LRCH3: variants seen among roughly 807,000 people sequenced by gnomAD.
LRCH3 encodes DISP complex protein LRCH3.
LRCH3 carries 68 observed loss-of-function variants against 104.5 expected under a neutral mutation model. The ratio of observed to expected loss-of-function variants is 0.65; its 90% confidence interval spans 0.54 to 0.80. The LOEUF (loss-of-function observed/expected upper bound fraction) is 0.80, where lower values mean the gene tolerates loss of function less well. LRCH3 is among the 30% of genes least tolerant of loss of function. LRCH3 has a pLI of 0.00. For synonymous variants in LRCH3, 344 were observed against 361.3 expected (o/e 0.95, Z 0.54); for missense variants, 951 against 953.9 (o/e 1.00, Z 0.04).
intron 15 of LRCH3, among the ~76,000 whole-genome samples, chr3:197,865,133 G>A (rs144154383): frequency 2.6e-4 from 40 of 152,164 alleles, no homozygotes; most frequent in African/African-American, 9.6e-4. Context: ...CTCTACAGGA[G>A]CACACCACAA....
intron 12 of LRCH3, chr3:197,850,944 T>A (rs1459903070): frequency 7.5e-6 from 6 of 798,282 alleles, no homozygotes; most frequent in Non-Finnish European, 1.4e-5. Flanking sequence ...GTCAAGTGAA[T>A]AGCGAACCAT....
intron 17 of LRCH3, among the ~76,000 whole-genome samples, chr3:197,867,203 G>C (rs1741589335): frequency 6.6e-6 from 1 of 152,102 alleles, no homozygotes; most frequent in Admixed American, 6.5e-5. Flanking sequence ...CTTGAACTTG[G>C]GAGGCAGAAG....
intron 9 of LRCH3, among the ~76,000 whole-genome samples, 183 bp downstream of exon 9, chr3:197,836,005 G>A (rs1202085480): frequency 6.6e-6 from 1 of 152,152 alleles, no homozygotes. Flanking sequence ...GCAGCCTCAA[G>A]TAGGCTTTAG....
chr3:197,842,669 T>C (rs1164352560), intron 10 of LRCH3, among the ~76,000 whole-genome samples: 1 of 152,116 alleles, frequency 6.6e-6, no homozygotes, highest in African/African-American at 2.4e-5. Flanking sequence ...TACTGGGAGA[T>C]CATAAACATA....
intron 17 of LRCH3, among the ~76,000 whole-genome samples, chr3:197,866,497 G>T (rs1451439975): frequency 6.6e-6 from 1 of 152,112 alleles, no homozygotes; most frequent in African/African-American, 2.4e-5. Context: ...CTTTGTCTTG[G>T]TAATGAACTC....
rs1215233004 is a variant in LRCH3 at position 197,815,041 on chromosome 3, C to T, written c.396C>T (p.Phe132=). 2 of 1,488,420 alleles carry T rather than the reference C, an allele frequency of 1.3e-6. No homozygotes were observed. The highest frequency in any genetic ancestry group is 4.2e-5 in the Admixed American group (2 of 47,896). 92.2% of individuals were successfully genotyped at this position (1,488,420 alleles called of 1,614,324 possible). The stretch of plus-strand genomic sequence containing the variant: ...TTTTAAACCTACAAGCTCTAACATT[C>T]TTAAATATTAGGTAAGAATATTGTT... ...EAILNLQALT[F]LNISRNQLST... Residue 132 remains phenylalanine (F), a synonymous_variant, in exon 2 of 21, where the codon TTC becomes TTT. Coordinates refer to ENST00000425562, the MANE Select transcript of LRCH3 (RefSeq NM_001365715.1).
chr3:197,825,786 C>G (rs1735136049), intron 4 of LRCH3, among the ~76,000 whole-genome samples: 1 of 151,880 alleles, frequency 6.6e-6, no homozygotes, highest in South Asian at 2.1e-4. Flanking sequence ...GCTGATTTTT[C>G]TTATATTTTT....
chr3:197,825,541 T>C (rs562277729), intron 4 of LRCH3, among the ~76,000 whole-genome samples: 22 of 127,364 alleles, frequency 1.7e-4, no homozygotes, highest in African/African-American at 6.1e-4. Context: ...GTGCAGTGGC[T>C]CAATCTCGGC....
chr3:197,866,102 G>A lies in LRCH3; in HGVS notation c.1766-10G>A. On this transcript the variant is annotated splice_polypyrimidine_tract_variant and intron_variant, in intron 16 of 20. Coordinates refer to ENST00000425562, the MANE Select transcript of LRCH3 (RefSeq NM_001365715.1). ...CCTTTAATCTCATTTTATTTTTCAT[G>A]CTAATTTAGTTCATCATTCCCCTGC... 6.3e-7 allele frequency: 1 copy of A among 1,579,740 alleles called. No homozygotes were observed. Among genetic ancestry groups the A allele is most frequent in the Non-Finnish European group, 8.7e-7 (1 of 1,149,366 alleles).
At position 197,835,794 on chromosome 3, in the gene LRCH3, A is replaced by G. The variant is rs760278893; in HGVS notation, c.1223A>G (p.Tyr408Cys). The G allele has an allele frequency of 4.6e-5, 74 of 1,614,060 alleles. No individual in the cohort carries two copies. Among genetic ancestry groups the G allele is most frequent in the Non-Finnish European group, 6.2e-5 (73 of 1,180,030 alleles). Residue 408 changes from tyrosine to cysteine, a missense_variant, in exon 9 of 21, where the codon TAT becomes TGT. Tyr to Cys is a radical substitution (Grantham distance 194). Transcript: ENST00000425562. ...AGCCTTAGTTCACAGTTTATGGCGT[A>G]TATTGAACAGCGGCGAATCTCTCAT... is the stretch of plus-strand genomic sequence containing the variant. Reference protein sequence around the residue: ...PDSLSSQFMAYIEQRRISHEG... With the variant: ...PDSLSSQFMACIEQRRISHEG...
chr3:197,856,861 A>G lies in LRCH3; in HGVS notation c.1645-1973A>G, dbSNP rs1301698221. On this transcript the variant is annotated intron_variant, in intron 14 of 20. Coordinates refer to ENST00000425562, the MANE Select transcript of LRCH3 (RefSeq NM_001365715.1). This position sits in a 1 kb window ranked among gnomAD's most constrained non-coding sequence, Gnocchi z 4.2. ...CTGAATGAACATATAAATTCTGTGC[A>G]TCTACTGATTATTAAATTGTTTTGT... Among the ~76,000 whole-genome samples the G allele has an allele frequency of 6.6e-6, 1 of 152,252 alleles. No individual in the cohort carries two copies. Among genetic ancestry groups the G allele is most frequent in the Non-Finnish European group, 1.5e-5 (1 of 68,044 alleles).
At chr3:197,881,633 A>G (rs764627324) in intron 20 of LRCH3, 37 of 985,388 alleles carry the variant, frequency 3.8e-5, no homozygotes, top group Non-Finnish European at 4.5e-5. Context: ...TAGCTCTTTC[A>G]GAATGCGTAG....
chr3:197,858,844 G>A lies in LRCH3; in HGVS notation c.1655G>A (p.Gly552Glu). 1 of 1,613,606 alleles carries A rather than the reference G, an allele frequency of 6.2e-7. No homozygotes were observed. Residue 552 changes from glycine (G) to glutamate (E), a missense_variant, in exon 15 of 21, where the codon GGG becomes GAG. Physicochemically the swap from Gly to Glu is moderately conservative, Grantham distance 98. Coordinates refer to ENST00000425562, the MANE Select transcript of LRCH3 (RefSeq NM_001365715.1). ...TCATTTGAAATGTAGTCGCTGTCAG[G>A]GTTGAATCAAGTGGGCTGTGCTGCT... ...DDSALCMSLSGLNQVGCAATL... is the reference protein window; with the variant it reads ...DDSALCMSLSELNQVGCAATL...
Position 197,829,655 on chromosome 3 carries a change from C to T in LRCH3, c.869C>T (p.Pro290Leu), listed in dbSNP as rs780385184. 2.4e-5 allele frequency: 39 copies of T among 1,611,552 alleles called. No individual in the cohort carries two copies. In the South Asian group the frequency reaches 3.3e-4, roughly 14 times the overall value. The change falls in exon 6 of 21, where the codon CCG (proline) becomes CTG (leucine). Residue 290 changes from proline to leucine, a missense_variant. Coordinates refer to ENST00000425562, the MANE Select transcript of LRCH3 (RefSeq NM_001365715.1). The part of the protein sequence containing the change: ...APDLPDYDRR[P>L]LGFGSCHEEL... ...GATCTGCCGGATTATGATAGGAGAC[C>T]GTTGGGTTTTGGCTCCTGGTAAGTA...
In LRCH3 at chr3:197,810,818, A is replaced by G. The variant is rs1056533506; in HGVS notation, c.263-4090A>G. Among the ~76,000 whole-genome samples the G allele has an allele frequency of 3.3e-5, 5 of 152,282 alleles. No homozygotes were observed. The highest frequency in any genetic ancestry group is 1.2e-4 in the African/African-American group (5 of 41,580). On this transcript the variant is annotated intron_variant, in intron 1 of 20. Transcript: ENST00000425562. This position sits in a 1 kb window ranked among gnomAD's most constrained non-coding sequence, Gnocchi z 4.0. ...ATGGCATTTAAAGTTATATAAATATACTATTTTGATAAAAATAAAAGTTAA... is the reference window on the plus strand; with the variant it reads ...ATGGCATTTAAAGTTATATAAATATGCTATTTTGATAAAAATAAAAGTTAA...
intron 9 of LRCH3, among the ~76,000 whole-genome samples, chr3:197,838,104 A>G (rs1276753890): frequency 6.6e-6 from 1 of 151,338 alleles, no homozygotes; most frequent in Non-Finnish European, 1.5e-5. Context: ...ACAGCGTCCT[A>G]GGAGAGATTT....
At chr3:197,832,087 C>G (rs769696191) in intron 7 of LRCH3, 110 bp from the exon 8 acceptor site, 17 of 1,116,088 alleles carry the variant, frequency 1.5e-5, no homozygotes, top group Non-Finnish European at 2.1e-5. Context: ...CTAATTTACT[C>G]CTGGCCTCAA....
chr3:197,881,585 G>GCA (rs1713778131), intron 20 of LRCH3: 1 of 985,300 alleles, frequency 1.0e-6, no homozygotes, highest in Admixed American at 6.1e-5. Flanking sequence ...TATTAGGGCA[G>GCA]CAGTCCCTGT....
chr3:197,856,176 T>C lies in LRCH3; in HGVS notation c.1644+1731T>C, dbSNP rs184415811. Among the ~76,000 whole-genome samples the C allele has an allele frequency of 1.3e-5, 2 of 152,290 alleles. No homozygotes were observed. The highest frequency in any genetic ancestry group is 3.9e-4 in the East Asian group (2 of 5,182). On this transcript the variant is annotated intron_variant, in intron 14 of 20. Coordinates refer to ENST00000425562, the MANE Select transcript of LRCH3 (RefSeq NM_001365715.1). The surrounding 1 kb of genome is among the most constrained non-coding windows in gnomAD (Gnocchi z 4.2). ...GATTAATTCCTACTCACCTATCAGG[T>C]ATTTGTTTAAATGTTCCATCTTTAA... is the stretch of plus-strand genomic sequence containing the variant.
Sources: gnomAD v4.1 joint callset for allele counts (sites outside exome capture counted in the v4.1 genomes callset) on GRCh38, gnomAD v4.1.1 for gene constraint, Gnocchi (gnomAD v3.1) non-coding constraint, MANE v1.5 for transcripts, NCBI Gene and HGNC (gene_info 2026-07-23, HGNC 2026-07-21) for gene names.